The following STK39 variants were observed in gnomAD, a reference collection of about 807,000 sequenced individuals.
STK39 encodes the protein STE20/SPS1-related proline-alanine-rich protein kinase.
Under a neutral mutation model 77.8 loss-of-function variants are expected in STK39, and 20 were observed. The ratio of observed to expected loss-of-function variants is 0.26; its 90% CI spans 0.18 to 0.37. The LOEUF (loss-of-function observed/expected upper bound fraction) is 0.37. Among genes scored for constraint, STK39 ranks in the 10% least tolerant of loss-of-function variants. STK39 has a pLI of 1.00. For missense variants in STK39, 479 were observed against 656.5 expected (o/e 0.73, Z 2.95); for synonymous variants, 246 against 234.1 (o/e 1.05, Z -0.47).
At chr2:167,966,764 A>C (rs1692170186) in intron 16 of STK39, among the ~76,000 whole-genome samples, 1 of 152,202 alleles carries the variant, frequency 6.6e-6, no homozygotes, top group Admixed American at 6.5e-5. Context: ...TTAAAAATTC[A>C]AATTCTGTCT....
In STK39 at chr2:167,954,377, C is replaced by A. The variant is rs1207657008; in HGVS notation, c.*1119G>T. ...GCTACTTGGGTTGAAAGTATTGATT[C>A]TTGAACCTTAACAGCGTTTTACCTT... On this transcript the variant is annotated 3_prime_UTR_variant, in exon 18 of 18. Coordinates refer to ENST00000355999, the MANE Select transcript of STK39 (RefSeq NM_013233.3). The A allele has an allele frequency of 6.6e-6, 1 of 152,576 alleles. No homozygotes were observed. The highest frequency in any genetic ancestry group is 1.5e-5 in the Non-Finnish European group (1 of 68,034). 9.5% of individuals were successfully genotyped at this position (152,576 alleles called of 1,614,324 possible).
chr2:168,208,745 T>C (rs995271090), intron 1 of STK39, among the ~76,000 whole-genome samples: 3 of 152,192 alleles, frequency 2.0e-5, no homozygotes, highest in African/African-American at 7.2e-5. Context: ...ATGTGAGCAA[T>C]GATGAGCACC....
chr2:168,141,382 T>C (rs1234414203), intron 5 of STK39, among the ~76,000 whole-genome samples: 2 of 152,286 alleles, frequency 1.3e-5, no homozygotes, highest in African/African-American at 4.8e-5. Flanking sequence ...CCCGTGAACA[T>C]TTCCTTTGAA....
intron 10 of STK39, among the ~76,000 whole-genome samples, chr2:168,119,306 C>A (rs761413906): frequency 6.6e-6 from 1 of 152,094 alleles, no homozygotes; most frequent in African/African-American, 2.4e-5. Flanking sequence ...CTCTTCTACC[C>A]GTATTTACCA....
At position 168,163,895 on chromosome 2, in the gene STK39, A is replaced by G; in HGVS notation, c.431-15T>C. 1 of 1,610,388 alleles carries G rather than the reference A, an allele frequency of 6.2e-7. No homozygotes were observed. The highest frequency in any genetic ancestry group is 8.5e-7 in the Non-Finnish European group (1 of 1,178,726). On this transcript the variant is annotated splice_polypyrimidine_tract_variant and intron_variant, in intron 3 of 17. Coordinates refer to ENST00000355999, the MANE Select transcript of STK39 (RefSeq NM_013233.3). The stretch of plus-strand genomic sequence containing the variant: ...CAACATTGAACCTAAGTAGACAAAC[A>G]GAAGAATTAAAACATAAGCACCTTC...
chr2:168,049,345 C>A (rs527393466), intron 14 of STK39, among the ~76,000 whole-genome samples: 1 of 152,240 alleles, frequency 6.6e-6, no homozygotes, highest in East Asian at 1.9e-4. Flanking sequence ...CTCCTGTCAC[C>A]CAAAAGATAT....
chr2:168,066,653 G>A (rs1574435401), intron 12 of STK39, among the ~76,000 whole-genome samples: 1 of 152,218 alleles, frequency 6.6e-6, no homozygotes, highest in South Asian at 2.1e-4. Flanking sequence ...ACTAAGAGGT[G>A]AAAACTTCTC....
intron 10 of STK39, among the ~76,000 whole-genome samples, chr2:168,105,539 T>C (rs1686947239): frequency 6.6e-6 from 1 of 152,228 alleles, no homozygotes; most frequent in Admixed American, 6.5e-5. Flanking sequence ...AAAGGGAGCC[T>C]GGGCTCGAAA....
intron 14 of STK39, among the ~76,000 whole-genome samples, chr2:168,035,550 T>A (rs1009311649): frequency 6.6e-6 from 1 of 152,176 alleles, no homozygotes; most frequent in Non-Finnish European, 1.5e-5. Flanking sequence ...AAGTAAGACA[T>A]GTTACACTGA....
At chr2:168,188,965 A>G (rs1444070740) in intron 1 of STK39, among the ~76,000 whole-genome samples, 1 of 152,088 alleles carries the variant, frequency 6.6e-6, no homozygotes, top group Non-Finnish European at 1.5e-5. Context: ...CAAACTGGTG[A>G]CCCTCCTAAG....
At chr2:168,168,026 A>G (rs1387369901) in intron 2 of STK39, among the ~76,000 whole-genome samples, 1 of 152,198 alleles carries the variant, frequency 6.6e-6, no homozygotes, top group Non-Finnish European at 1.5e-5. Flanking sequence ...GAAAGATCAG[A>G]TAATATATCT....
At chr2:168,141,434 G>A (rs1250637211) in intron 5 of STK39, among the ~76,000 whole-genome samples, 1 of 152,140 alleles carries the variant, frequency 6.6e-6, no homozygotes, top group Non-Finnish European at 1.5e-5. Context: ...TGGAACATTT[G>A]AGATTTCACA....
At chr2:168,010,585 C>T (rs867068761) in intron 16 of STK39, among the ~76,000 whole-genome samples, 11 of 152,184 alleles carry the variant, frequency 7.2e-5, no homozygotes, top group African/African-American at 2.4e-4. Flanking sequence ...CATAAATGCA[C>T]GTTAAGTCAC....
intron 1 of STK39, among the ~76,000 whole-genome samples, chr2:168,191,340 C>G (rs1484808759): frequency 6.6e-6 from 1 of 152,098 alleles, no homozygotes; most frequent in Non-Finnish European, 1.5e-5. Flanking sequence ...AATATACAAC[C>G]TTGGTGGTCT....
At chr2:168,041,563 G>T (rs1574414616) in intron 14 of STK39, among the ~76,000 whole-genome samples, 1 of 151,990 alleles carries the variant, frequency 6.6e-6, no homozygotes, top group Admixed American at 6.6e-5. Context: ...TCAGATTTTT[G>T]AATTTTCCAA....
chr2:168,141,101 G>A (rs979740884), intron 5 of STK39, among the ~76,000 whole-genome samples: 1 of 152,140 alleles, frequency 6.6e-6, no homozygotes, highest in African/African-American at 2.4e-5. Context: ...AGCTTAGTCA[G>A]CAAAGACTGA....
At chr2:168,021,543 C>T (rs1017195020) in intron 14 of STK39, among the ~76,000 whole-genome samples, 2 of 152,108 alleles carry the variant, frequency 1.3e-5, no homozygotes, top group African/African-American at 4.8e-5. Flanking sequence ...TGGCACAGGA[C>T]ACTCTTGATT....
At chr2:168,135,945 T>A (rs955482555) in intron 8 of STK39, among the ~76,000 whole-genome samples, 1 of 151,718 alleles carries the variant, frequency 6.6e-6, no homozygotes, top group Admixed American at 6.6e-5. Flanking sequence ...AAGGAAAGAT[T>A]TGAAGATTTT....
chr2:168,243,373 C>A (rs1690820142), intron 1 of STK39, among the ~76,000 whole-genome samples: 2 of 152,150 alleles, frequency 1.3e-5, no homozygotes, highest in South Asian at 4.1e-4. Flanking sequence ...ATAAACAATG[C>A]CTCACAGGAG....
Sources: allele counts gnomAD v4.1 joint callset (sites outside exome capture counted in the v4.1 genomes callset), GRCh38; gene constraint gnomAD v4.1.1; transcripts MANE v1.5; gene names NCBI Gene and HGNC (gene_info 2026-07-23, HGNC 2026-07-21).